Variants in RPL38 observed in about 807,000 individuals in gnomAD.
RPL38 encodes large ribosomal subunit protein eL38.
RPL38 carries 2 observed loss-of-function variants against 12.8 expected under a neutral mutation model. The ratio of observed to expected loss-of-function variants is 0.16; its 90% CI spans 0.06 to 0.49. The LOEUF (loss-of-function observed/expected upper bound fraction) is 0.49, where lower values mean the gene tolerates loss of function less well. RPL38 is among the 20% of genes least tolerant of loss of function. RPL38 has a pLI of 0.96. For synonymous variants in RPL38, 42 were observed against 30.1 expected (o/e 1.39, Z -1.29); for missense variants, 52 against 79.8 (o/e 0.65, Z 1.33).
Position 74,204,439 on chromosome 17 carries a change from C to T in RPL38, c.64+249C>T, listed in dbSNP as rs530204303. ...CAGAGGCCGCCCTGAGTTCAGTTTT[C>T]TTTCGTATAATATAGTAAATTGTCG... On this transcript the variant is annotated intron_variant, in intron 3 of 4. Coordinates refer to ENST00000311111, the MANE Select transcript of RPL38 (RefSeq NM_000999.4). 496 of 533,394 alleles carry T rather than the reference C, an allele frequency of 9.3e-4. 5 individuals are homozygous for T. Among genetic ancestry groups the T allele is most frequent in the African/African-American group, 8.5e-3 (445 of 52,648 alleles). The allele number at this position is 533,394 out of a possible 1,614,324, so 33.0% of individuals were successfully genotyped here. A position where few individuals can be genotyped will look rare whatever the true frequency, so the allele number is the denominator to read the frequency against.
intron 1 of RPL38, 61 bp downstream of exon 1, chr17:74,203,806 G>C (rs761147138): frequency 3.1e-4 from 314 of 998,602 alleles, no homozygotes; most frequent in Non-Finnish European, 4.2e-4. Context: ...CGTGGAGGGT[G>C]TCGGGGAGGA....
intron 3 of RPL38, chr17:74,204,482 C>T (rs765698816): frequency 4.6e-6 from 2 of 432,780 alleles, no homozygotes; most frequent in Admixed American, 3.8e-5. Flanking sequence ...ATCTCCACTC[C>T]GCGAAAGCCT....
intron 3 of RPL38, among the ~76,000 whole-genome samples, chr17:74,206,712 T>C (rs932262070): frequency 3.8e-5 from 5 of 132,592 alleles, no homozygotes; most frequent in East Asian, 2.0e-4. Context: ...TTCTTTCTTT[T>C]TTTTTTTTTT....
At chr17:74,209,544 G>C (rs113447047) in intron 4 of RPL38, 4 of 638,174 alleles carry the variant, frequency 6.3e-6, no homozygotes, top group Non-Finnish European at 1.1e-5. Flanking sequence ...TCCTGTTCAC[G>C]ACCCTTCGAG....
chr17:74,208,489 A>C (rs1453575771), intron 3 of RPL38, among the ~76,000 whole-genome samples: 1 of 152,194 alleles, frequency 6.6e-6, no homozygotes, highest in Non-Finnish European at 1.5e-5. Flanking sequence ...TGTTGTGCGC[A>C]GTGGCTGGAG....
In RPL38 at chr17:74,209,979, T is replaced by C. The variant is rs1282520499; in HGVS notation, c.*150T>C. 2.9e-5 allele frequency: 2 copies of C among 69,172 alleles called. No individual in the cohort carries two copies. The highest frequency in any genetic ancestry group is 1.3e-4 in the Admixed American group (1 of 7,908). 4.3% of individuals were successfully genotyped at this position (69,172 alleles called of 1,614,324 possible). A position where few individuals can be genotyped will look rare whatever the true frequency, so the allele number is the denominator to read the frequency against. ...GGTTCTGTTGCTGCCTTCCTGTGTC[T>C]TTTTTTTTTTTTTTTTTTCTTTCTT... On this transcript the variant is annotated 3_prime_UTR_variant, in exon 5 of 5. Transcript: ENST00000311111.
In RPL38 at chr17:74,210,545, A is replaced by G. The variant is rs1295056172; in HGVS notation, c.*716A>G. 1.3e-5 allele frequency: 2 copies of G among 152,252 alleles called. No individual in the cohort carries two copies. Among genetic ancestry groups the G allele is most frequent in the African/African-American group, 2.4e-5 (1 of 41,460 alleles). The allele number at this position is 152,252 out of a possible 1,614,324, so 9.4% of individuals were successfully genotyped here. On this transcript the variant is annotated 3_prime_UTR_variant, in exon 5 of 5. Transcript: ENST00000311111. ...TCTTTCATTGGCTTGCTGTCAGGGT[A>G]CTGGGATGGGGGGAGGTGCATGGGT... is the stretch of plus-strand genomic sequence containing the variant.
At chr17:74,208,557 G>C (rs557992199) in intron 3 of RPL38, among the ~76,000 whole-genome samples, 1 of 152,224 alleles carries the variant, frequency 6.6e-6, no homozygotes, top group Non-Finnish European at 1.5e-5. Context: ...GCGGAGGCCT[G>C]ATTTCCGGGA....
At chr17:74,203,840 T>A in intron 1 of RPL38, 78 bp from the exon 2 acceptor site, 1 of 1,315,064 alleles carries the variant, frequency 7.6e-7, no homozygotes, top group Non-Finnish European at 1.0e-6. Flanking sequence ...ATGGGGCCGA[T>A]ATTTCGGGGG....
intron 2 of RPL38, 25 bp downstream of exon 2, chr17:74,203,983 C>T (rs753819356): frequency 8.1e-6 from 13 of 1,612,988 alleles, no homozygotes; most frequent in Admixed American, 6.7e-5. Flanking sequence ...TGCCTGGCGC[C>T]TTCCCGGGGT....
rs1363840287 is a variant in RPL38, at chr17:74,210,539, CAG to C, written c.*711_*712del. ...AACACCTCTTTCATTGGCTTGCTGTCAGGGTACTGGGATGGGGGGAGGTGCAT... is the reference window on the plus strand; with the variant it reads ...AACACCTCTTTCATTGGCTTGCTGTCGGTACTGGGATGGGGGGAGGTGCAT... On this transcript the variant is annotated 3_prime_UTR_variant, in exon 5 of 5. Coordinates refer to ENST00000311111, the MANE Select transcript of RPL38 (RefSeq NM_000999.4). 6 of 152,396 alleles carry C rather than the reference CAG, an allele frequency of 3.9e-5. No individual in the cohort carries two copies. In the East Asian group the frequency reaches 1.2e-3, roughly 29 times the overall value. 9.4% of individuals were successfully genotyped at this position (152,396 alleles called of 1,614,324 possible).
intron 3 of RPL38, chr17:74,205,053 G>GT (rs1418615170): frequency 3.3e-5 from 5 of 152,226 alleles, no homozygotes; most frequent in African/African-American, 1.2e-4. Context: ...AAGTCACAGA[G>GT]TTTAAGTTGG....
At chr17:74,205,594 A>G (rs1395435058) in intron 3 of RPL38, 1 of 152,206 alleles carries the variant, frequency 6.6e-6, no homozygotes, top group Non-Finnish European at 1.5e-5. Flanking sequence ...TTTTGTGTAA[A>G]GAGATGAGGT....
intron 3 of RPL38, chr17:74,204,658 G>A (rs2050094942): frequency 6.1e-6 from 1 of 164,270 alleles, no homozygotes; most frequent in Non-Finnish European, 1.3e-5. Flanking sequence ...TCGCTGGCCA[G>A]TGTCAGAAGG....
intron 3 of RPL38, among the ~76,000 whole-genome samples, chr17:74,207,173 G>A (rs1223359472): frequency 6.6e-6 from 1 of 151,800 alleles, no homozygotes; most frequent in Non-Finnish European, 1.5e-5. Context: ...CACCACACCT[G>A]GCTAATTTTT....
At chr17:74,204,495 A>G (rs2050093049) in intron 3 of RPL38, 9 of 420,172 alleles carry the variant, frequency 2.1e-5, no homozygotes, top group Non-Finnish European at 3.9e-5. Flanking sequence ...GAAAGCCTCA[A>G]AACACACGTC....
rs577802267 is a variant in RPL38 at position 74,204,306 on chromosome 17, G to A, written c.64+116G>A. ...GTTAGGCCGTCTGGGTGTGTGCCTGGCCCTCTGGGAGCAGTGGTTTCATCC... is the reference window on the plus strand; with the variant it reads ...GTTAGGCCGTCTGGGTGTGTGCCTGACCCTCTGGGAGCAGTGGTTTCATCC... On this transcript the variant is annotated intron_variant, in intron 3 of 4. Transcript: ENST00000311111. 4 of 862,834 alleles carry A rather than the reference G, an allele frequency of 4.6e-6. No homozygotes were observed. In the African/African-American group the frequency reaches 5.0e-5, roughly 11 times the overall value. 53.4% of individuals were successfully genotyped at this position (862,834 alleles called of 1,614,324 possible). A position where few individuals can be genotyped will look rare whatever the true frequency, so the allele number is the denominator to read the frequency against.
At position 74,210,449 on chromosome 17, in the gene RPL38, A is replaced by G. The variant is rs1390942662; in HGVS notation, c.*620A>G. On this transcript the variant is annotated 3_prime_UTR_variant, in exon 5 of 5. Coordinates refer to ENST00000311111, the MANE Select transcript of RPL38 (RefSeq NM_000999.4). ...GGTATAGCACATCTACCACTCGCTA[A>G]CTTGACTGACTTGGAGAAATGACTA... The G allele has an allele frequency of 1.3e-5, 2 of 152,292 alleles. No individual in the cohort carries two copies. Among genetic ancestry groups the G allele is most frequent in the Non-Finnish European group, 2.9e-5 (2 of 68,086 alleles). The allele number at this position is 152,292 out of a possible 1,614,324, so 9.4% of individuals were successfully genotyped here.
At position 74,209,199 on chromosome 17, in the gene RPL38, A is replaced by T; in HGVS notation, c.77A>T (p.Lys26Met). 1 of 1,613,868 alleles carries T rather than the reference A, an allele frequency of 6.2e-7. No individual in the cohort carries two copies. The highest frequency in any genetic ancestry group is 1.1e-5 in the South Asian group (1 of 91,038). The change falls in exon 4 of 5, where the codon AAG becomes ATG. Residue 26 changes from lysine (K) to methionine (M), a missense_variant. Transcript: ENST00000311111. ...TGGTCTCCGGTAGCTGTCAAGATCA[A>T]GAAAAATAAGGACAACGTGAAGTTT... The part of the protein sequence containing the change: ...RRKDAKSVKI[K>M]KNKDNVKFKV...
Sources: gnomAD v4.1 joint callset for allele counts (sites outside exome capture counted in the v4.1 genomes callset) on GRCh38, gnomAD v4.1.1 for gene constraint, MANE v1.5 for transcripts, NCBI Gene and HGNC (gene_info 2026-07-23, HGNC 2026-07-21) for gene names.